CCDC178: variants seen among roughly 807,000 people sequenced by gnomAD.
CCDC178 encodes the protein coiled-coil domain-containing protein 178.
In CCDC178, 126 loss-of-function variants were observed where a neutral mutation model predicts 117.4. That is an observed-to-expected ratio of 1.07 (90% CI 0.93 to 1.24). The LOEUF is 1.24. CCDC178 is among the 50% of genes most tolerant of loss of function. The pLI is 0.00. For synonymous variants in CCDC178, 283 were observed against 313.4 expected, an observed-to-expected ratio of 0.90 and a Z score of 1.02; for missense variants, 1,030 against 986.9, an observed-to-expected ratio of 1.04 and a Z score of -0.59.
chr18:33,291,392 G>A lies in CCDC178; in HGVS notation c.1176+1767C>T, dbSNP rs1354803900. On this transcript the variant is annotated intron_variant, in intron 12 of 22. Coordinates refer to ENST00000383096, the MANE Select transcript of CCDC178 (RefSeq NM_001105528.4). ...TCAGTGAGATGACACTCAGTATATA[G>A]CAGGAAAATCATGAGCAGGTTTTCA... Among the ~76,000 whole-genome samples the A allele has an allele frequency of 3.3e-5, 5 of 151,928 alleles. No individual in the cohort carries two copies. The East Asian group carries it at 9.6e-4, about 29-fold the overall frequency.
At chr18:33,422,749 A>C (rs2064045278) in intron 2 of CCDC178, among the ~76,000 whole-genome samples, 1 of 152,226 alleles carries the variant, frequency 6.6e-6, no homozygotes. Context: ...CTGGTTGAAA[A>C]TGAAAGGAAG....
chr18:32,965,894 T>G (rs1359705704), intron 22 of CCDC178, among the ~76,000 whole-genome samples: 1 of 149,692 alleles, frequency 6.7e-6, no homozygotes, highest in Non-Finnish European at 1.5e-5. Flanking sequence ...TATTTTCCTA[T>G]TGGGTTATAT....
intron 11 of CCDC178, among the ~76,000 whole-genome samples, chr18:33,316,977 C>A (rs1202287571): frequency 6.6e-6 from 1 of 152,108 alleles, no homozygotes; most frequent in Non-Finnish European, 1.5e-5. Context: ...CCTGTCAAAA[C>A]GGACCAATCA....
chr18:33,153,978 G>C (rs201039599), intron 20 of CCDC178, among the ~76,000 whole-genome samples: 1 of 151,866 alleles, frequency 6.6e-6, no homozygotes, highest in African/African-American at 2.4e-5. Flanking sequence ...GAGAAAAGAC[G>C]TAATATTGGT....
intron 21 of CCDC178, among the ~76,000 whole-genome samples, chr18:33,021,829 T>C (rs1478362400): frequency 6.6e-6 from 1 of 152,222 alleles, no homozygotes; most frequent in South Asian, 2.1e-4. Context: ...CACTGCTTTA[T>C]ATTTTTATTG....
At chr18:33,273,367 A>G (rs2059911046) in intron 12 of CCDC178, among the ~76,000 whole-genome samples, 1 of 151,634 alleles carries the variant, frequency 6.6e-6, no homozygotes, top group South Asian at 2.1e-4. Context: ...AAATTACAAC[A>G]CATAGTTAAA....
chr18:33,063,212 T>C (rs272940), intron 21 of CCDC178, among the ~76,000 whole-genome samples: 21,599 of 152,082 alleles, frequency 0.14, 2,377 homozygotes, highest in African/African-American at 0.31. Flanking sequence ...CTGCCTGCCA[T>C]TGCCAGTGCC....
chr18:32,970,858 T>C (rs750575319), intron 22 of CCDC178, among the ~76,000 whole-genome samples: 4 of 151,926 alleles, frequency 2.6e-5, no homozygotes, highest in African/African-American at 7.2e-5. Context: ...GAAAATACAA[T>C]TGTGGTTCGT....
intron 21 of CCDC178, among the ~76,000 whole-genome samples, chr18:33,045,621 G>C (rs2056628279): frequency 6.6e-6 from 1 of 152,144 alleles, no homozygotes; most frequent in African/African-American, 2.4e-5. Flanking sequence ...TATAAATTCT[G>C]ATCTTGATAA....
At chr18:33,209,701 T>G (rs1022721918) in intron 20 of CCDC178, among the ~76,000 whole-genome samples, 1 of 152,054 alleles carries the variant, frequency 6.6e-6, no homozygotes, top group African/African-American at 2.4e-5. Context: ...ATCTCTAAAC[T>G]CTGCATCTTC....
chr18:33,155,279 A>G (rs2058380969), intron 20 of CCDC178, among the ~76,000 whole-genome samples: 1 of 152,152 alleles, frequency 6.6e-6, no homozygotes. Context: ...AAAAAAAGAA[A>G]CTGAATGGGA....
At chr18:33,238,318 T>C (rs367649468) in intron 15 of CCDC178, among the ~76,000 whole-genome samples, 1 of 151,828 alleles carries the variant, frequency 6.6e-6, no homozygotes, top group African/African-American at 2.4e-5. Flanking sequence ...TAAAGAAATA[T>C]ATAAAATGCC....
intron 15 of CCDC178, among the ~76,000 whole-genome samples, chr18:33,234,821 C>T (rs754367031): frequency 1.9e-4 from 29 of 151,958 alleles, no homozygotes; most frequent in Admixed American, 1.6e-3. Flanking sequence ...GTAATATGCT[C>T]CAGATTCGAC....
At chr18:33,152,328 G>C (rs1332604366) in intron 20 of CCDC178, among the ~76,000 whole-genome samples, 1 of 151,966 alleles carries the variant, frequency 6.6e-6, no homozygotes, top group African/African-American at 2.4e-5. Context: ...CGCAAAGTGG[G>C]AATCTTTACA....
In CCDC178 at chr18:33,376,961, A is replaced by C. The variant is rs150317683; in HGVS notation, c.209-6772T>G. Among the ~76,000 whole-genome samples, 9 of 152,340 alleles carry C rather than the reference A, an allele frequency of 5.9e-5. No individual in the cohort carries two copies. In the East Asian group the frequency reaches 1.5e-3, roughly 26 times the overall value. On this transcript the variant is annotated intron_variant, in intron 5 of 22. Coordinates refer to ENST00000383096, the MANE Select transcript of CCDC178 (RefSeq NM_001105528.4). ...GAATGATTTATTTTCTTTTGGATAT[A>C]TATCCAGCAACAGGATTGCTGGGTT...
chr18:33,147,718 C>G (rs891276044), intron 20 of CCDC178, among the ~76,000 whole-genome samples: 1 of 152,240 alleles, frequency 6.6e-6, no homozygotes. Context: ...TCCCAAGGCA[C>G]AAGAATTTTT....
intron 12 of CCDC178, among the ~76,000 whole-genome samples, chr18:33,278,708 C>A (rs1400775342): frequency 6.6e-6 from 1 of 151,946 alleles, no homozygotes; most frequent in African/African-American, 2.4e-5. Context: ...ACAGAAGTTA[C>A]CTCTAAATGC....
chr18:32,988,694 A>C (rs916594914), intron 21 of CCDC178, among the ~76,000 whole-genome samples: 2 of 152,062 alleles, frequency 1.3e-5, no homozygotes, highest in Non-Finnish European at 2.9e-5. Flanking sequence ...GGAAATTCAC[A>C]GAGTTCTTAG....
intron 12 of CCDC178, among the ~76,000 whole-genome samples, chr18:33,285,708 C>T (rs2060090672): frequency 6.6e-6 from 1 of 152,060 alleles, no homozygotes; most frequent in African/African-American, 2.4e-5. Flanking sequence ...AAATGAGAAA[C>T]TAAAATCATC....
Sources: allele counts gnomAD v4.1 joint callset (sites outside exome capture counted in the v4.1 genomes callset), GRCh38; gene constraint gnomAD v4.1.1; transcripts MANE v1.5; gene names NCBI Gene and HGNC (gene_info 2026-07-23, HGNC 2026-07-21).